RGS22: variants seen among roughly 807,000 people sequenced by gnomAD.
RGS22 encodes regulator of G-protein signaling 22.
Under a neutral mutation model 172.9 loss-of-function variants are expected in RGS22, and 148 were observed. The observed-to-expected ratio is 0.86, with a 90% CI of 0.75 to 0.98. The LOEUF is 0.98. RGS22 is among the 50% of genes least tolerant of loss of function. RGS22 has a pLI of 0.00. For synonymous variants in RGS22, 458 were observed against 480.2 expected, an observed-to-expected ratio of 0.95 and a Z score of 0.60; for missense variants, 1,347 against 1,440.8, an observed-to-expected ratio of 0.93 and a Z score of 1.05.
intron 11 of RGS22, among the ~76,000 whole-genome samples, chr8:100,043,232 AT>A (rs1296440338): frequency 6.6e-6 from 1 of 152,150 alleles, no homozygotes; most frequent in East Asian, 1.9e-4. Flanking sequence ...ACCTGTACCC[AT>A]CCTTACTTCT....
intron 19 of RGS22, among the ~76,000 whole-genome samples, chr8:99,998,085 T>C (rs1233967308): frequency 6.6e-6 from 1 of 152,190 alleles, no homozygotes; most frequent in Non-Finnish European, 1.5e-5. Flanking sequence ...TTTAAGGAAA[T>C]CTGCATATTT....
chr8:100,082,231 T>A (rs1161534356), intron 3 of RGS22, among the ~76,000 whole-genome samples: 2 of 152,094 alleles, frequency 1.3e-5, no homozygotes, highest in Non-Finnish European at 2.9e-5. Flanking sequence ...TCTTTCCAAC[T>A]TTTATTTTAG....
At chr8:100,046,744 T>A (rs530578532) in intron 11 of RGS22, among the ~76,000 whole-genome samples, 34 of 151,836 alleles carry the variant, frequency 2.2e-4, no homozygotes, top group Non-Finnish European at 4.0e-4. Flanking sequence ...GACTTCGGCA[T>A]TTGAGGCTGC....
chr8:100,048,774 C>T (rs1820987996), intron 10 of RGS22, among the ~76,000 whole-genome samples: 1 of 151,890 alleles, frequency 6.6e-6, no homozygotes, highest in Non-Finnish European at 1.5e-5. Flanking sequence ...GTATATAATA[C>T]AAAAGTAGCC....
chr8:99,973,224 T>C (rs1052560023), intron 23 of RGS22, among the ~76,000 whole-genome samples: 5 of 152,112 alleles, frequency 3.3e-5, no homozygotes, highest in African/African-American at 7.2e-5. Flanking sequence ...GGTATGTTTA[T>C]TGCAGCACTA....
At chr8:100,094,587 T>G (rs1196371609) in intron 2 of RGS22, among the ~76,000 whole-genome samples, 1 of 152,184 alleles carries the variant, frequency 6.6e-6, no homozygotes, top group African/African-American at 2.4e-5. Flanking sequence ...TTCTAAAAAT[T>G]TCAACTGATT....
intron 14 of RGS22, among the ~76,000 whole-genome samples, chr8:100,010,403 T>A (rs778739436): frequency 6.6e-6 from 1 of 152,082 alleles, no homozygotes; most frequent in Non-Finnish European, 1.5e-5. Context: ...TGAAAATCGC[T>A]TGAACCCAGG....
At chr8:100,031,830 G>A (rs1385477490) in intron 14 of RGS22, among the ~76,000 whole-genome samples, 2 of 152,000 alleles carry the variant, frequency 1.3e-5, no homozygotes, top group Non-Finnish European at 2.9e-5. Context: ...CGGCAGAAAC[G>A]CTATAAGCCA....
chr8:100,034,094 AG>A (rs976491459), intron 14 of RGS22, among the ~76,000 whole-genome samples: 13 of 152,182 alleles, frequency 8.5e-5, no homozygotes, highest in African/African-American at 3.1e-4. Context: ...TATTCAACAT[AG>A]TGTTGGAAGT....
chr8:99,968,802 C>T (rs1811027972), intron 23 of RGS22, among the ~76,000 whole-genome samples: 1 of 152,140 alleles, frequency 6.6e-6, no homozygotes, highest in Non-Finnish European at 1.5e-5. Context: ...TTGGAAAACA[C>T]ACTTCAGGAT....
At chr8:100,077,922 G>A (rs1040470400) in intron 4 of RGS22, among the ~76,000 whole-genome samples, 5 of 151,966 alleles carry the variant, frequency 3.3e-5, no homozygotes, top group African/African-American at 7.3e-5. Flanking sequence ...TATATGAGTT[G>A]TTAAGCTTTC....
At chr8:99,976,586 T>C (rs566071558) in intron 23 of RGS22, among the ~76,000 whole-genome samples, 45 of 152,208 alleles carry the variant, frequency 3.0e-4, no homozygotes, top group African/African-American at 7.0e-4. Flanking sequence ...TGGTCTCGAT[T>C]TCCTGACTTT....
At chr8:99,964,161 T>TA (rs915549256) in intron 24 of RGS22, among the ~76,000 whole-genome samples, 1 of 151,926 alleles carries the variant, frequency 6.6e-6, no homozygotes, top group Admixed American at 6.6e-5. Flanking sequence ...TGACTTGTGA[T>TA]AAAAAAAGAT....
At chr8:100,053,101 T>TTAGG in intron 9 of RGS22, 125 bp from the exon 10 acceptor site, 1 of 830,462 alleles carries the variant, frequency 1.2e-6, no homozygotes. Flanking sequence ...TTCTAACAAC[T>TTAGG]TTTACTTCTT....
At chr8:100,030,859 T>G (rs1818719390) in intron 14 of RGS22, among the ~76,000 whole-genome samples, 1 of 152,064 alleles carries the variant, frequency 6.6e-6, no homozygotes, top group African/African-American at 2.4e-5. Context: ...GCAAGAAATT[T>G]GTGAATAAAC....
chr8:100,058,248 A>G (rs1004211826), intron 9 of RGS22, among the ~76,000 whole-genome samples: 1 of 152,100 alleles, frequency 6.6e-6, no homozygotes, highest in Non-Finnish European at 1.5e-5. Flanking sequence ...TATTGGCCTT[A>G]AAGAGGAGGT....
At chr8:100,100,607 A>G (rs1289590856) in intron 2 of RGS22, among the ~76,000 whole-genome samples, 2 of 152,192 alleles carry the variant, frequency 1.3e-5, no homozygotes, top group Non-Finnish European at 2.9e-5. Context: ...GAATATTTTC[A>G]ATCCAAGTTT....
At position 100,047,683 on chromosome 8, in the gene RGS22, C is replaced by T. The variant is rs998163279; in HGVS notation, c.1690-87G>A. On this transcript the variant is annotated intron_variant, in intron 10 of 27. Transcript: ENST00000360863. ...ATACCTCAAATTTGTTCTCATCACTCGAGTACTTTTTCTTTCCCTTTGCCT... is the reference window on the plus strand; with the variant it reads ...ATACCTCAAATTTGTTCTCATCACTTGAGTACTTTTTCTTTCCCTTTGCCT... 3.5e-5 allele frequency: 43 copies of T among 1,240,772 alleles called. 1 individual carries two copies. The Middle Eastern group carries it at 1.3e-3, about 37-fold the overall frequency. The allele number at this position is 1,240,772 out of a possible 1,614,324, so 76.9% of individuals were successfully genotyped here.
intron 7 of RGS22, among the ~76,000 whole-genome samples, chr8:100,064,544 A>T (rs1810401921): frequency 6.6e-6 from 1 of 152,182 alleles, no homozygotes; most frequent in Non-Finnish European, 1.5e-5. Context: ...AAAAACTGCC[A>T]ATGGGAATTA....
Sources: gnomAD v4.1 joint callset for allele counts (sites outside exome capture counted in the v4.1 genomes callset) on GRCh38, gnomAD v4.1.1 for gene constraint, MANE v1.5 for transcripts, NCBI Gene and HGNC (gene_info 2026-07-23, HGNC 2026-07-21) for gene names.